Variants in GRIP1 observed in about 807,000 individuals in gnomAD.
GRIP1 encodes the protein glutamate receptor interacting protein 1.
GRIP1 carries 45 observed loss-of-function variants against 129.9 expected under a neutral mutation model. That is an observed-to-expected ratio of 0.35 (90% CI 0.27 to 0.44). GRIP1 has a LOEUF of 0.44. GRIP1 is among the 20% of genes least tolerant of loss of function. GRIP1 has a pLI of 1.00. For missense variants in GRIP1, 1,196 were observed against 1,396.8 expected (o/e 0.86, Z 2.29); for synonymous variants, 530 against 520.8 (o/e 1.02, Z -0.24).
chr12:66,501,312 A>G (rs2060386060), intron 7 of GRIP1, among the ~76,000 whole-genome samples: 1 of 152,242 alleles, frequency 6.6e-6, no homozygotes, highest in Non-Finnish European at 1.5e-5. Flanking sequence ...CTGTTGGACA[A>G]AGATAGCTTA....
At chr12:66,888,624 A>AC (rs2040605484) in intron 1 of GRIP1, among the ~76,000 whole-genome samples, 1 of 152,164 alleles carries the variant, frequency 6.6e-6, no homozygotes, top group African/African-American at 2.4e-5. Flanking sequence ...CGGCCTCCAA[A>AC]AGTGCTGGAA....
intron 1 of GRIP1, among the ~76,000 whole-genome samples, chr12:66,919,798 C>A (rs1375904634): frequency 6.6e-6 from 1 of 152,008 alleles, no homozygotes; most frequent in Non-Finnish European, 1.5e-5. Context: ...AGCAGACACT[C>A]AAATAAAGAG....
chr12:66,586,246 T>C (rs1448225784), intron 2 of GRIP1, among the ~76,000 whole-genome samples: 1 of 152,214 alleles, frequency 6.6e-6, no homozygotes, highest in African/African-American at 2.4e-5. Flanking sequence ...CCTCTCTTCT[T>C]ATAGAATCTT....
At chr12:66,955,503 GGT>G (rs1491417097) in intron 1 of GRIP1, among the ~76,000 whole-genome samples, 3 of 115,610 alleles carry the variant, frequency 2.6e-5, no homozygotes, top group Admixed American at 9.5e-5. Flanking sequence ...TTACTTTTTT[GGT>G]TTTTTTTTTT....
At chr12:67,030,917 C>T (rs1462901433) in intron 1 of GRIP1, among the ~76,000 whole-genome samples, 1 of 151,932 alleles carries the variant, frequency 6.6e-6, no homozygotes, top group African/African-American at 2.4e-5. Context: ...TCATTTTTTT[C>T]AAGCAACTGC....
chr12:66,657,007 C>T (rs1283092471), intron 1 of GRIP1, among the ~76,000 whole-genome samples: 3 of 151,932 alleles, frequency 2.0e-5, no homozygotes, highest in Non-Finnish European at 2.9e-5. Context: ...GTGTAATTTA[C>T]TATCAGCAAA....
chr12:66,805,029 G>C (rs2038960908), upstream of GRIP1, among the ~76,000 whole-genome samples: 1 of 152,102 alleles, frequency 6.6e-6, no homozygotes, highest in Non-Finnish European at 1.5e-5. Context: ...GCTTCTCATA[G>C]GCTTAGTAAC....
intron 1 of GRIP1, among the ~76,000 whole-genome samples, chr12:66,846,821 G>A (rs867375849): frequency 6.6e-6 from 1 of 152,174 alleles, no homozygotes; most frequent in Non-Finnish European, 1.5e-5. Flanking sequence ...GGTCAGCCAC[G>A]GGGCAGAGGA....
chr12:66,981,591 A>G (rs2042243393), intron 1 of GRIP1, among the ~76,000 whole-genome samples: 2 of 152,254 alleles, frequency 1.3e-5, no homozygotes, highest in Non-Finnish European at 2.9e-5. Flanking sequence ...ACTGTAACTT[A>G]GACTTTAGGT....
At position 66,599,619 on chromosome 12, in the gene GRIP1, C is replaced by T. The variant is rs552218094; in HGVS notation, c.56-2692G>A. Reference sequence around the variant, plus strand: ...ATGGAGAAAACACACTGAATGAATCCGTGGCTGATGGCTCCACAGTAGGAT... The same window carrying T: ...ATGGAGAAAACACACTGAATGAATCTGTGGCTGATGGCTCCACAGTAGGAT... On this transcript the variant is annotated intron_variant, in intron 1 of 24. Coordinates refer to ENST00000359742, the MANE Select transcript of GRIP1 (RefSeq NM_001366722.1). Among the ~76,000 whole-genome samples, 8 of 152,234 alleles carry T rather than the reference C, an allele frequency of 5.3e-5. 1 individual carries two copies. Among genetic ancestry groups the T allele is most frequent in the African/African-American group, 1.9e-4 (8 of 41,548 alleles).
At chr12:66,792,405 C>T (rs887500321) in intron 1 of GRIP1, among the ~76,000 whole-genome samples, 1 of 151,994 alleles carries the variant, frequency 6.6e-6, no homozygotes, top group Non-Finnish European at 1.5e-5. Flanking sequence ...CTATGACTGG[C>T]TAATTTTAAA....
At chr12:66,987,746 C>T (rs1566107433) in intron 1 of GRIP1, among the ~76,000 whole-genome samples, 2 of 152,186 alleles carry the variant, frequency 1.3e-5, no homozygotes, top group Admixed American at 1.3e-4. Context: ...AAGAGTAGTA[C>T]TCACTCATTT....
intron 1 of GRIP1, among the ~76,000 whole-genome samples, chr12:66,711,740 T>C (rs1204295316): frequency 1.3e-5 from 2 of 151,954 alleles, no homozygotes; most frequent in Middle Eastern, 3.4e-3. Flanking sequence ...AACAATATTC[T>C]TTAGGGACTC....
At chr12:66,823,275 T>C (rs190168964) in intron 1 of GRIP1, among the ~76,000 whole-genome samples, 1 of 152,306 alleles carries the variant, frequency 6.6e-6, no homozygotes, top group East Asian at 1.9e-4. Flanking sequence ...TAAGATAGCA[T>C]TGTAAAGAAC....
intron 1 of GRIP1, among the ~76,000 whole-genome samples, chr12:66,603,207 C>G (rs1472280594): frequency 1.3e-5 from 2 of 151,054 alleles, no homozygotes; most frequent in Non-Finnish European, 2.9e-5. Context: ...CCAAACAGAG[C>G]ACAATTTCAT....
At chr12:66,479,451 C>T (rs36196058) in intron 7 of GRIP1, among the ~76,000 whole-genome samples, 21,737 of 151,922 alleles carry the variant, frequency 0.14, 1,675 homozygotes, top group Non-Finnish European at 0.18. Context: ...AAAAAAAAGC[C>T]CAGGACTGGA....
Position 66,349,089 on chromosome 12 carries a change from T to G in GRIP1, c.3317A>C (p.Asn1106Thr), listed in dbSNP as rs762019438. 3.1e-6 allele frequency: 5 copies of G among 1,614,168 alleles called. No homozygotes were observed. Among genetic ancestry groups the G allele is most frequent in the Non-Finnish European group, 4.2e-6 (5 of 1,179,976 alleles). Residue 1106 changes from asparagine to threonine, a missense_variant, in exon 25 of 25, where the codon AAC (asparagine) becomes ACC (threonine). Asn to Thr is a moderately conservative substitution (Grantham distance 65). This residue lies in a region of GRIP1 where 427 missense variants were observed against 463.3 expected (regional missense o/e 0.92). Coordinates refer to ENST00000359742, the MANE Select transcript of GRIP1 (RefSeq NM_001366722.1). Reference protein sequence around the residue: ...QSLPGDWSEQNSAFFQQPSHG... With the variant: ...QSLPGDWSEQTSAFFQQPSHG... The stretch of plus-strand genomic sequence containing the variant: ...GCTAGGCTGCTGGAAAAAAGCACTG[T>G]TCTGTTCACTCCAATCTCCTGGTAG...
Position 66,347,654 on chromosome 12 carries a change from C to A in GRIP1, c.*1365G>T, listed in dbSNP as rs892386860. 6.6e-5 allele frequency: 10 copies of A among 152,048 alleles called. No homozygotes were observed. The highest frequency in any genetic ancestry group is 2.2e-4 in the African/African-American group (9 of 41,378). The allele number at this position is 152,048 out of a possible 1,614,324, so 9.4% of individuals were successfully genotyped here. On this transcript the variant is annotated 3_prime_UTR_variant, in exon 25 of 25. Transcript: ENST00000359742. ...AATACATATTTAAGTGACTCATGAT[C>A]TTTTTTTCTTTTTTCTTAACATGAT...
In GRIP1 at chr12:66,408,024, G is replaced by A. The variant is rs549243185; in HGVS notation, c.1839-1596C>T. ...TATCAGCTCAGCCATAGTACGACAGGGCACCGGGCAGAGTCCTAAGGCCCC... is the reference window on the plus strand; with the variant it reads ...TATCAGCTCAGCCATAGTACGACAGAGCACCGGGCAGAGTCCTAAGGCCCC... On this transcript the variant is annotated intron_variant, in intron 15 of 24. Coordinates refer to ENST00000359742, the MANE Select transcript of GRIP1 (RefSeq NM_001366722.1). Among the ~76,000 whole-genome samples, 3 of 152,250 alleles carry A rather than the reference G, an allele frequency of 2.0e-5. No individual in the cohort carries two copies. The East Asian group carries it at 5.8e-4, about 29-fold the overall frequency.
Sources: gnomAD v4.1 joint callset for allele counts (sites outside exome capture counted in the v4.1 genomes callset) on GRCh38, gnomAD v4.1.1 for gene constraint, gnomAD v4.1.1 regional missense constraint, MANE v1.5 for transcripts, NCBI Gene and HGNC (gene_info 2026-07-23, HGNC 2026-07-21) for gene names.